The following OTOGL variants were observed in gnomAD, a reference collection of about 807,000 sequenced individuals.
OTOGL encodes otogelin like.
OTOGL carries 285 observed loss-of-function variants against 318.5 expected under a neutral mutation model. The ratio of observed to expected loss-of-function variants is 0.89; its 90% CI spans 0.81 to 0.99. The LOEUF is 0.99. OTOGL is among the 50% of genes least tolerant of loss of function. The pLI is 0.00. For missense variants in OTOGL, 2,899 were observed against 2,845.6 expected (o/e 1.02, Z -0.43); for synonymous variants, 987 against 936.5 (o/e 1.05, Z -0.99).
intron 1 of OTOGL, among the ~76,000 whole-genome samples, chr12:80,134,821 A>T (rs781778830): frequency 6.6e-6 from 1 of 152,184 alleles, no homozygotes; most frequent in Non-Finnish European, 1.5e-5. Context: ...CCCATAGGCA[A>T]TTCTCACTGC....
rs554627701 is a variant in OTOGL, at chr12:80,307,930, C to T, written c.3333+2235C>T. On this transcript the variant is annotated intron_variant, in intron 29 of 58. Transcript: ENST00000547103. ...CTGGCCGGGCGGGGGCTGACCCCCCCACCTCCCTCCCGGACGGAGCGGCTG... is the reference window on the plus strand; with the variant it reads ...CTGGCCGGGCGGGGGCTGACCCCCCTACCTCCCTCCCGGACGGAGCGGCTG... 1.9e-3 allele frequency among the ~76,000 whole-genome samples: 266 copies of T among 139,946 alleles called. 6 individuals are homozygous for T. The East Asian group carries it at 0.052, about 27-fold the overall frequency. 91.8% of individuals were successfully genotyped at this position (139,946 alleles called of 152,430 possible). A position where few individuals can be genotyped will look rare whatever the true frequency, so the allele number is the denominator to read the frequency against.
chr12:80,207,750 A>G (rs1250043732), intron 1 of OTOGL, among the ~76,000 whole-genome samples: 1 of 152,190 alleles, frequency 6.6e-6, no homozygotes, highest in African/African-American at 2.4e-5. Flanking sequence ...CTTAATTAAA[A>G]ATATTTTGTT....
chr12:80,362,008 C>A (rs547274095), intron 52 of OTOGL, among the ~76,000 whole-genome samples: 41 of 152,158 alleles, frequency 2.7e-4, no homozygotes, highest in Non-Finnish European at 4.1e-4. Context: ...GTCCATTTTT[C>A]TTTTGTTGTC....
At chr12:80,328,406 G>C (rs768355858) in intron 35 of OTOGL, among the ~76,000 whole-genome samples, 1 of 152,144 alleles carries the variant, frequency 6.6e-6, no homozygotes, top group Non-Finnish European at 1.5e-5. Context: ...CAGGGACTTA[G>C]TGTGCCCCAA....
Position 80,368,239 on chromosome 12 carries a change from G to A in OTOGL, c.6545G>A (p.Gly2182Asp), listed in dbSNP as rs1311615532. ...QVYTPSPSDYGCCGTCKNVSC... is the reference protein window; with the variant it reads ...QVYTPSPSDYDCCGTCKNVSC... ...TATACTCCATCCCCAAGTGATTATG[G>A]TTGTTGTGGTACCTGCAAAAATGTA... The change falls in exon 55 of 59, where the codon GGT becomes GAT. Residue 2182 changes from glycine to aspartate, a missense_variant. This residue lies in a region of OTOGL where 289 missense variants were observed against 304.6 expected (regional missense o/e 0.95). Transcript: ENST00000547103. 3 of 1,604,184 alleles carry A rather than the reference G, an allele frequency of 1.9e-6. No individual in the cohort carries two copies. Among genetic ancestry groups the A allele is most frequent in the Admixed American group, 1.7e-5 (1 of 58,954 alleles).
chr12:80,336,831 G>T lies in OTOGL; in HGVS notation c.4767+11G>T. ...TCCTTAAAAAAGCTAGTGAGTATTTGCAAAGTGTTTAGTACATTCATTCTG... is the reference window on the plus strand; with the variant it reads ...TCCTTAAAAAAGCTAGTGAGTATTTTCAAAGTGTTTAGTACATTCATTCTG... On this transcript the variant is annotated intron_variant, in intron 41 of 58. Coordinates refer to ENST00000547103, the MANE Select transcript of OTOGL (RefSeq NM_001378609.3). 1 of 1,532,524 alleles carries T rather than the reference G, an allele frequency of 6.5e-7. No homozygotes were observed. Among genetic ancestry groups the T allele is most frequent in the Non-Finnish European group, 8.8e-7 (1 of 1,132,068 alleles). 94.9% of individuals were successfully genotyped at this position (1,532,524 alleles called of 1,614,324 possible).
At chr12:80,199,567 T>C (rs1592539089) in intron 1 of OTOGL, among the ~76,000 whole-genome samples, 1 of 152,230 alleles carries the variant, frequency 6.6e-6, no homozygotes, top group South Asian at 2.1e-4. Flanking sequence ...GTTTAATAGA[T>C]GATTTGTGTA....
Position 80,222,038 on chromosome 12 carries a change from C to T in OTOGL, c.335-53C>T, listed in dbSNP as rs552833706. On this transcript the variant is annotated intron_variant, in intron 6 of 58. Transcript: ENST00000547103. ...ATTTACCATGACTGACTGAACATTG[C>T]TAGAAACGTGTAATTTATTTTGCCT... 19 of 1,516,678 alleles carry T rather than the reference C, an allele frequency of 1.3e-5. No homozygotes were observed. The South Asian group carries it at 2.3e-4, about 18-fold the overall frequency. 94.0% of individuals were successfully genotyped at this position (1,516,678 alleles called of 1,614,324 possible).
intron 10 of OTOGL, 99 bp from the exon 11 acceptor site, chr12:80,239,234 T>A (rs1880147091): frequency 9.5e-7 from 1 of 1,049,536 alleles, no homozygotes; most frequent in African/African-American, 1.6e-5. Flanking sequence ...TTTTTCCTTG[T>A]GAGAACTGAA....
intron 28 of OTOGL, 73 bp from the exon 29 acceptor site, chr12:80,305,503 G>A: frequency 8.3e-7 from 1 of 1,198,876 alleles, no homozygotes; most frequent in Non-Finnish European, 1.1e-6. Context: ...TGTCTCAAAA[G>A]TTTTAATGAA....
chr12:80,344,979 CTATATAT>C (rs1323429593), intron 44 of OTOGL, among the ~76,000 whole-genome samples: 1 of 140,678 alleles, frequency 7.1e-6, no homozygotes, highest in Non-Finnish European at 1.5e-5. Context: ...AAGGCATTGG[CTATATAT>C]TATATATTAT....
At chr12:80,255,479 G>T (rs987373123) in intron 16 of OTOGL, among the ~76,000 whole-genome samples, 1 of 151,932 alleles carries the variant, frequency 6.6e-6, no homozygotes, top group African/African-American at 2.4e-5. Context: ...TTTTTAAAAA[G>T]TAGTACGTAT....
chr12:80,189,604 C>A, intron 1 of OTOGL: 1 of 479,878 alleles, frequency 2.1e-6, no homozygotes, highest in Non-Finnish European at 2.7e-6. Context: ...TTGCAAAACT[C>A]ATATTACTGA....
chr12:80,329,898 A>G (rs1565989068), intron 37 of OTOGL, among the ~76,000 whole-genome samples: 1 of 152,170 alleles, frequency 6.6e-6, no homozygotes, highest in Non-Finnish European at 1.5e-5. Context: ...GGCTGTTGCA[A>G]TCTTACAACA....
intron 42 of OTOGL, among the ~76,000 whole-genome samples, chr12:80,337,505 A>G (rs1382623866): frequency 1.3e-5 from 2 of 152,144 alleles, no homozygotes; most frequent in African/African-American, 4.8e-5. Flanking sequence ...AACTTTTTTG[A>G]AATAAATTGA....
At chr12:80,260,219 A>G (rs937905220) in intron 18 of OTOGL, among the ~76,000 whole-genome samples, 4 of 152,230 alleles carry the variant, frequency 2.6e-5, no homozygotes, top group South Asian at 2.1e-4. Context: ...AATTTCTTCT[A>G]TCTTGTCTCC....
rs1292056919 is a variant in OTOGL at position 80,367,735 on chromosome 12, ATGT to A, written c.6510_6510+2del. 3.6e-6 allele frequency: 5 copies of A among 1,400,346 alleles called. No individual in the cohort carries two copies. The African/African-American group carries it at 6.0e-5, about 17-fold the overall frequency. The allele number at this position is 1,400,346 out of a possible 1,614,324, so 86.7% of individuals were successfully genotyped here. A position where few individuals can be genotyped will look rare whatever the true frequency, so the allele number is the denominator to read the frequency against. On this transcript the variant is annotated inframe_deletion and splice_region_variant, in exon 54 of 59. Transcript: ENST00000547103. Reference sequence around the variant, plus strand: ...CTGGTGAATTGTTCAAAAAAATGTGATGTTGTAAGTATTCCTTGTAATTTATTC... The same window carrying A: ...CTGGTGAATTGTTCAAAAAAATGTGATGTAAGTATTCCTTGTAATTTATTC...
At chr12:80,328,516 A>G in intron 35 of OTOGL, 149 bp from the exon 36 acceptor site, 1 of 622,404 alleles carries the variant, frequency 1.6e-6, no homozygotes, top group Non-Finnish European at 2.8e-6. Flanking sequence ...AAAACGAAGT[A>G]GCAGATGGAG....
intron 1 of OTOGL, among the ~76,000 whole-genome samples, chr12:80,194,698 A>G (rs1875931292): frequency 6.6e-6 from 1 of 152,228 alleles, no homozygotes; most frequent in African/African-American, 2.4e-5. Flanking sequence ...TATTTAATGT[A>G]GCACTTACAT....
Sources: gnomAD v4.1 joint callset for allele counts (sites outside exome capture counted in the v4.1 genomes callset) on GRCh38, gnomAD v4.1.1 for gene constraint, gnomAD v4.1.1 regional missense constraint, MANE v1.5 for transcripts, NCBI Gene and HGNC (gene_info 2026-07-23, HGNC 2026-07-21) for gene names.